The following ECE1 variants were observed in gnomAD, a reference collection of about 807,000 sequenced individuals.
The protein encoded by ECE1 is endothelin converting enzyme 1.
A neutral mutation model predicts 98.6 loss-of-function variants in ECE1; 35 were observed. The observed-to-expected ratio is 0.35, with a 90% CI of 0.27 to 0.47. ECE1 has a LOEUF of 0.47. Among genes scored for constraint, ECE1 ranks in the 20% least tolerant of loss-of-function variants. The pLI, the probability that ECE1 is intolerant of heterozygous loss-of-function variation, is 1.00. For missense variants in ECE1, 814 were observed against 1,025.3 expected (o/e 0.79, Z 2.81); for synonymous variants, 394 against 407.1 (o/e 0.97, Z 0.39).
intron 1 of ECE1, among the ~76,000 whole-genome samples, chr1:21,295,534 A>G (rs1211871011): frequency 1.3e-5 from 2 of 152,252 alleles, no homozygotes; most frequent in African/African-American, 4.8e-5. Flanking sequence ...TTTACTATGA[A>G]GTTCCTGAAA....
chr1:21,227,943 CG>C lies in ECE1; in HGVS notation c.1768del (p.Arg590AlafsTer7). The C allele has an allele frequency of 6.4e-7, 1 of 1,553,112 alleles. No individual in the cohort carries two copies. The highest frequency in any genetic ancestry group is 8.7e-7 in the Non-Finnish European group (1 of 1,147,686). On this transcript the variant is annotated frameshift_variant, in exon 15 of 19. Coordinates refer to ENST00000374893, the MANE Select transcript of ECE1 (RefSeq NM_001397.3). LOFTEE classifies it high-confidence loss of function. ...AGAGGCAGCCTACTTGGGTGAGGAGCGTGTGTAGAATGGTGCCTGCAGGATC... is the reference window on the plus strand; with the variant it reads ...AGAGGCAGCCTACTTGGGTGAGGAGCTGTGTAGAATGGTGCCTGCAGGATC... ...AGILQAPFYT[R>X]SSPKALNFGG...
At chr1:21,339,427 A>G (rs939517477) in intron 1 of ECE1, among the ~76,000 whole-genome samples, 45 of 152,190 alleles carry the variant, frequency 3.0e-4, no homozygotes, top group Non-Finnish European at 1.3e-4. Flanking sequence ...CTGAAGCCAT[A>G]ATAATCTAGA....
At chr1:21,331,384 C>T (rs1639197768) in intron 1 of ECE1, among the ~76,000 whole-genome samples, 1 of 151,984 alleles carries the variant, frequency 6.6e-6, no homozygotes, top group Non-Finnish European at 1.5e-5. Context: ...AGACTGGCGA[C>T]AGAGTGAGAC....
At chr1:21,334,687 G>C (rs146671432) in intron 1 of ECE1, among the ~76,000 whole-genome samples, 1 of 152,126 alleles carries the variant, frequency 6.6e-6, no homozygotes, top group Admixed American at 6.5e-5. Context: ...TGAAGTGGAG[G>C]TTCAGACAGG....
At chr1:21,286,915 CA>C (rs1394747833) in intron 2 of ECE1, among the ~76,000 whole-genome samples, 1 of 120,096 alleles carries the variant, frequency 8.3e-6, no homozygotes. Flanking sequence ...GACCTTGTCT[CA>C]AAAAAAAGAA....
Position 21,345,414 on chromosome 1 carries a change from C to T in ECE1, c.-36G>A. 7.6e-7 allele frequency: 1 copy of T among 1,323,120 alleles called. No individual in the cohort carries two copies. The highest frequency in any genetic ancestry group is 9.7e-7 in the Non-Finnish European group (1 of 1,026,130). The allele number at this position is 1,323,120 out of a possible 1,614,324, so 82.0% of individuals were successfully genotyped here. ...CTCCGCCCCGGCTTCGCGCAGCTCC[C>T]CGCGCCCGGCTCCCGATTCCCAGCT... On this transcript the variant is annotated 5_prime_UTR_variant, in exon 1 of 19. Transcript: ENST00000415912. This position sits in a 1 kb window ranked among gnomAD's most constrained non-coding sequence, Gnocchi z 5.1.
Position 21,257,604 on chromosome 1 carries a change from C to G in ECE1, c.763-14G>C. 1 of 1,614,182 alleles carries G rather than the reference C, an allele frequency of 6.2e-7. No individual in the cohort carries two copies. ...AGACTGGTCCACCTGGCAAGAGAAGCAGGCATGAGAGGGAATTCGTGTTGC... is the reference window on the plus strand; with the variant it reads ...AGACTGGTCCACCTGGCAAGAGAAGGAGGCATGAGAGGGAATTCGTGTTGC... On this transcript the variant is annotated splice_polypyrimidine_tract_variant and intron_variant, in intron 6 of 18. Transcript: ENST00000374893.
At chr1:21,267,437 G>A (rs2098235306) in intron 4 of ECE1, among the ~76,000 whole-genome samples, 1 of 152,060 alleles carries the variant, frequency 6.6e-6, no homozygotes, top group Non-Finnish European at 1.5e-5. Context: ...AGAGAGAGAG[G>A]CTGTGCAGGA....
Position 21,260,212 on chromosome 1 carries a change from CA to C in ECE1, c.615+58del, listed in dbSNP as rs372169001. 9.9e-4 allele frequency: 1,600 copies of C among 1,613,478 alleles called. 18 individuals carry two copies. The African/African-American group carries it at 0.019, about 19-fold the overall frequency. ...GGTACCAGAAGGCTGGAGTGGAAGCCAGGGGGCGGGCAGGTGGCATGGGCCG... is the reference window on the plus strand; with the variant it reads ...GGTACCAGAAGGCTGGAGTGGAAGCCGGGGGCGGGCAGGTGGCATGGGCCG... On this transcript the variant is annotated intron_variant, in intron 5 of 18. Coordinates refer to ENST00000374893, the MANE Select transcript of ECE1 (RefSeq NM_001397.3). The surrounding 1 kb of genome is among the most constrained non-coding windows in gnomAD (Gnocchi z 4.3).
chr1:21,241,350 G>C (rs2098196003), intron 10 of ECE1, among the ~76,000 whole-genome samples: 1 of 151,316 alleles, frequency 6.6e-6, no homozygotes, highest in Admixed American at 6.6e-5. Flanking sequence ...TCTTTTTGCA[G>C]ATAAAAAACT....
chr1:21,313,603 T>C (rs896514876), intron 1 of ECE1, among the ~76,000 whole-genome samples: 2 of 152,172 alleles, frequency 1.3e-5, no homozygotes, highest in Non-Finnish European at 2.9e-5. Flanking sequence ...TCAGATCCAA[T>C]GAGAACAAGC....
chr1:21,320,130 C>T (rs1015384808), intron 1 of ECE1, among the ~76,000 whole-genome samples: 2 of 152,236 alleles, frequency 1.3e-5, no homozygotes, highest in Non-Finnish European at 1.5e-5. Context: ...GCCCACGGGC[C>T]GCAGGTTGGA....
At chr1:21,257,447 C>G in intron 7 of ECE1, 78 bp downstream of exon 7, 1 of 1,530,802 alleles carries the variant, frequency 6.5e-7, no homozygotes, top group Non-Finnish European at 9.0e-7. Context: ...CTTCAAAGAC[C>G]TGCACAGGTG....
chr1:21,336,800 G>A (rs909349493), intron 1 of ECE1, among the ~76,000 whole-genome samples: 13 of 151,986 alleles, frequency 8.6e-5, no homozygotes, highest in Admixed American at 7.9e-4. Context: ...CCGAGATCGC[G>A]CCACTGCACT....
At position 21,233,416 on chromosome 1, in the gene ECE1, T is replaced by C; in HGVS notation, c.1670+142A>G. 1.4e-6 allele frequency: 1 copy of C among 693,310 alleles called. No individual in the cohort carries two copies. Among genetic ancestry groups the C allele is most frequent in the East Asian group, 2.8e-5 (1 of 36,062 alleles). The allele number at this position is 693,310 out of a possible 1,614,324, so 42.9% of individuals were successfully genotyped here. A position where few individuals can be genotyped will look rare whatever the true frequency, so the allele number is the denominator to read the frequency against. ...TGGTTTCTTCATCTGAAAAGTGGGATAACAAGGGCATCCACTCTTCAGACG... is the reference window on the plus strand; with the variant it reads ...TGGTTTCTTCATCTGAAAAGTGGGACAACAAGGGCATCCACTCTTCAGACG... On this transcript the variant is annotated intron_variant, in intron 14 of 18. Transcript: ENST00000374893. This position sits in a 1 kb window ranked among gnomAD's most constrained non-coding sequence, Gnocchi z 4.0.
Position 21,247,220 on chromosome 1 carries a change from C to T in ECE1, c.1163+1G>A. The T allele has an allele frequency of 6.2e-7, 1 of 1,614,194 alleles. No homozygotes were observed. The highest frequency in any genetic ancestry group is 8.5e-7 in the Non-Finnish European group (1 of 1,180,028). On this transcript the variant is annotated splice_donor_variant, in intron 9 of 18. Transcript: ENST00000374893. LOFTEE classifies it high-confidence loss of function. ...CCCCAGGCCACTGGGGGTCCTCTTA[C>T]CATCTGTCGGTGGTGTTGATGAGAG...
chr1:21,251,263 A>C (rs1422204570), intron 8 of ECE1, among the ~76,000 whole-genome samples: 1 of 152,216 alleles, frequency 6.6e-6, no homozygotes, highest in Non-Finnish European at 1.5e-5. Context: ...TGTAAATCCC[A>C]GCACTTTGGG....
intron 1 of ECE1, among the ~76,000 whole-genome samples, chr1:21,313,894 C>T (rs78787495): frequency 0.072 from 10,921 of 151,862 alleles, 548 homozygotes; most frequent in Non-Finnish European, 0.11. Context: ...TCCCGGCTCA[C>T]GGAGAACGGG....
intron 4 of ECE1, among the ~76,000 whole-genome samples, chr1:21,264,320 C>T (rs199945146): frequency 0.041 from 825 of 20,202 alleles, 6 homozygotes; most frequent in African/African-American, 0.13. Context: ...CCCCCCCCCC[C>T]TTTTTTTTTT....
Sources: gnomAD v4.1 joint callset for allele counts (sites outside exome capture counted in the v4.1 genomes callset) on GRCh38, gnomAD v4.1.1 for gene constraint, Gnocchi (gnomAD v3.1) non-coding constraint, MANE v1.5 for transcripts, NCBI Gene and HGNC (gene_info 2026-07-23, HGNC 2026-07-21) for gene names.